Variants in PRKD1 observed in about 807,000 individuals in gnomAD.
The protein encoded by PRKD1 is protein kinase D1, also known as serine/threonine-protein kinase D1.
A neutral mutation model predicts 95.9 loss-of-function variants in PRKD1; 63 were observed. That is an observed-to-expected ratio of 0.66 (90% CI 0.54 to 0.81). The LOEUF is 0.81. Among genes scored for constraint, PRKD1 ranks in the 30% least tolerant of loss-of-function variants. The pLI is 0.00. For missense variants in PRKD1, 1,048 were observed against 1,165.3 expected (o/e 0.90, Z 1.47); for synonymous variants, 425 against 423.1 (o/e 1.00, Z -0.05).
chr14:29,715,498 T>G (rs1885561377), intron 2 of PRKD1, among the ~76,000 whole-genome samples: 1 of 152,160 alleles, frequency 6.6e-6, no homozygotes, highest in African/African-American at 2.4e-5. Flanking sequence ...AGATAAATGG[T>G]TGCACTGCAT....
intron 1 of PRKD1, among the ~76,000 whole-genome samples, chr14:29,894,862 G>A (rs1261472709): frequency 1.3e-5 from 2 of 152,182 alleles, no homozygotes; most frequent in East Asian, 3.9e-4. Flanking sequence ...CTTCAAACTT[G>A]ATTTTCTCAC....
chr14:29,638,733 G>T lies in PRKD1; in HGVS notation c.868C>A (p.Leu290Ile), dbSNP rs1880547605. ...RPTVCQYCKK[L>I]LKGLFRQGLQ... is the part of the protein sequence containing the mutation. ...CCCTGCCTGAAAAGCCCCTTCAGAA[G>T]CTTCTTGCAGTACTGGCACACTGTG... The change falls in exon 5 of 18, where the codon CTT becomes ATT. Residue 290 changes from leucine (L) to isoleucine (I), a missense_variant. By Grantham distance (5) the Leu-to-Ile change is conservative (BLOSUM62 2). Transcript: ENST00000331968. 2 of 1,614,134 alleles carry T rather than the reference G, an allele frequency of 1.2e-6. No individual in the cohort carries two copies. Among genetic ancestry groups the T allele is most frequent in the South Asian group, 2.2e-5 (2 of 91,086 alleles).
chr14:29,588,563 G>A (rs907090462), intron 16 of PRKD1, among the ~76,000 whole-genome samples: 1 of 152,112 alleles, frequency 6.6e-6, no homozygotes, highest in African/African-American at 2.4e-5. Context: ...TATAGTTGAG[G>A]ATTGAGACCA....
At chr14:29,743,401 A>T (rs1887069052) in intron 1 of PRKD1, among the ~76,000 whole-genome samples, 2 of 152,168 alleles carry the variant, frequency 1.3e-5, no homozygotes, top group Non-Finnish European at 2.9e-5. Flanking sequence ...TGAATTAAAC[A>T]TGGTATTTTA....
rs191945136 is a variant in PRKD1, at chr14:29,915,217, T to C, written c.264+12032A>G. Among the ~76,000 whole-genome samples, 4 of 152,262 alleles carry C rather than the reference T, an allele frequency of 2.6e-5. No individual in the cohort carries two copies. The East Asian group carries it at 7.7e-4, about 29-fold the overall frequency. The stretch of plus-strand genomic sequence containing the variant: ...ACAACACTTGGTGGCCACATCTTAT[T>C]GGAAAAAAGGCCAATTCAGTTACAC... On this transcript the variant is annotated intron_variant, in intron 1 of 17. Coordinates refer to ENST00000331968, the MANE Select transcript of PRKD1 (RefSeq NM_002742.3).
chr14:29,618,372 C>T (rs1879012134), intron 13 of PRKD1, among the ~76,000 whole-genome samples: 1 of 152,100 alleles, frequency 6.6e-6, no homozygotes, highest in South Asian at 2.1e-4. Flanking sequence ...TCTCCTGCCT[C>T]AGCTTCCTGA....
At chr14:29,654,237 T>A (rs1881702056) in intron 4 of PRKD1, among the ~76,000 whole-genome samples, 1 of 152,178 alleles carries the variant, frequency 6.6e-6, no homozygotes, top group Non-Finnish European at 1.5e-5. Flanking sequence ...AGTGGCATGA[T>A]CTTGGCCCAA....
intron 13 of PRKD1, among the ~76,000 whole-genome samples, chr14:29,605,750 A>AT (rs919922227): frequency 1.1e-4 from 16 of 152,208 alleles, no homozygotes; most frequent in Admixed American, 9.2e-4. Flanking sequence ...GCTAAATTTG[A>AT]TTGAAAGATG....
chr14:29,825,882 C>A lies in PRKD1; in HGVS notation c.265-100208G>T, dbSNP rs185279566. On this transcript the variant is annotated intron_variant, in intron 1 of 17. Transcript: ENST00000331968. ...TTTTGAGGGTTCTATTTTTCCCCCACCAAAACAAAAATGAACACCTATACT... is the reference window on the plus strand; with the variant it reads ...TTTTGAGGGTTCTATTTTTCCCCCAACAAAACAAAAATGAACACCTATACT... 9.7e-3 allele frequency among the ~76,000 whole-genome samples: 1,474 copies of A among 152,002 alleles called. 10 individuals are homozygous for A. The highest frequency in any genetic ancestry group is 0.012 in the Non-Finnish European group (836 of 67,962).
intron 13 of PRKD1, among the ~76,000 whole-genome samples, chr14:29,613,803 C>G (rs1007006428): frequency 1.2e-4 from 19 of 152,310 alleles, no homozygotes; most frequent in African/African-American, 4.6e-4. Flanking sequence ...TTATCGCAGG[C>G]TTTGTCCCAC....
intron 1 of PRKD1, among the ~76,000 whole-genome samples, chr14:29,816,027 G>C (rs747158617): frequency 6.6e-6 from 1 of 152,120 alleles, no homozygotes; most frequent in Non-Finnish European, 1.5e-5. Context: ...AGACCATCCT[G>C]GCCAACATGG....
intron 1 of PRKD1, among the ~76,000 whole-genome samples, chr14:29,799,296 G>A (rs1365708838): frequency 6.6e-6 from 1 of 152,138 alleles, no homozygotes; most frequent in East Asian, 1.9e-4. Context: ...GTAAATCTTG[G>A]TGAAAGAAAA....
chr14:29,663,693 C>T lies in PRKD1; in HGVS notation c.696+6G>A. On this transcript the variant is annotated splice_donor_region_variant and intron_variant, in intron 4 of 17. Transcript: ENST00000331968. ...AATGGGGAAGTGGGTAAACAGGAAG[C>T]CATACCAGAAGGGGCTCATCAGGGG... is the stretch of plus-strand genomic sequence containing the variant. The T allele has an allele frequency of 1.2e-6, 2 of 1,612,952 alleles. No individual in the cohort carries two copies. The highest frequency in any genetic ancestry group is 1.7e-6 in the Non-Finnish European group (2 of 1,179,226).
In PRKD1 at chr14:29,853,634, C is replaced by T. The variant is rs1015986039; in HGVS notation, c.264+73615G>A. Among the ~76,000 whole-genome samples, 35 of 152,178 alleles carry T rather than the reference C, an allele frequency of 2.3e-4. 1 individual carries two copies. The highest frequency in any genetic ancestry group is 4.1e-4 in the African/African-American group (17 of 41,438). On this transcript the variant is annotated intron_variant, in intron 1 of 17. Coordinates refer to ENST00000331968, the MANE Select transcript of PRKD1 (RefSeq NM_002742.3). ...CATTTACCAGTGGTGAAGTTTCTGA[C>T]GCTAAGTTACACTTGTGGAAGGATT... is the stretch of plus-strand genomic sequence containing the variant.
chr14:29,697,828 G>A (rs1204011557), intron 2 of PRKD1, among the ~76,000 whole-genome samples: 3 of 151,926 alleles, frequency 2.0e-5, no homozygotes, highest in Non-Finnish European at 4.4e-5. Flanking sequence ...TAACTCCCAC[G>A]ACTTTCTGCT....
intron 1 of PRKD1, among the ~76,000 whole-genome samples, chr14:29,726,552 C>G (rs1041252587): frequency 6.6e-6 from 1 of 152,088 alleles, no homozygotes; most frequent in Non-Finnish European, 1.5e-5. Flanking sequence ...ACAGGTGGAC[C>G]TTAAGAAGCT....
chr14:29,706,747 T>C (rs1413446692), intron 2 of PRKD1, among the ~76,000 whole-genome samples: 1 of 152,156 alleles, frequency 6.6e-6, no homozygotes, highest in Admixed American at 6.6e-5. Flanking sequence ...TGGTCCCTTC[T>C]TTCACAGAGT....
At chr14:29,791,060 T>C (rs1295121923) in intron 1 of PRKD1, among the ~76,000 whole-genome samples, 6 of 152,164 alleles carry the variant, frequency 3.9e-5, no homozygotes, top group East Asian at 1.9e-4. Flanking sequence ...TAAAAGACAG[T>C]AGGGGAAACT....
chr14:29,778,754 T>C (rs576411748), intron 1 of PRKD1, among the ~76,000 whole-genome samples: 7 of 152,082 alleles, frequency 4.6e-5, no homozygotes, highest in African/African-American at 9.7e-5. Context: ...TTCCAATTGA[T>C]AGAAAAAGAG....
Sources: gnomAD v4.1 joint callset for allele counts (sites outside exome capture counted in the v4.1 genomes callset) on GRCh38, gnomAD v4.1.1 for gene constraint, MANE v1.5 for transcripts, NCBI Gene and HGNC (gene_info 2026-07-23, HGNC 2026-07-21) for gene names.